The following ATM variants were observed in gnomAD, a reference collection of about 807,000 sequenced individuals.
The protein encoded by ATM is serine-protein kinase ATM.
In ATM, 308 loss-of-function variants were observed where a neutral mutation model predicts 387.0. That is an observed-to-expected ratio of 0.80 (90% CI 0.73 to 0.87). The LOEUF (loss-of-function observed/expected upper bound fraction) is 0.87. Among genes scored for constraint, ATM ranks in the 40% least tolerant of loss-of-function variants. The pLI is 0.00. For missense variants in ATM, 3,312 were observed against 3,560.9 expected (o/e 0.93, Z 1.78); for synonymous variants, 1,156 against 1,187.3 (o/e 0.97, Z 0.54).
chr11:108,267,371 C>G, intron 17 of ATM, 29 bp downstream of exon 17: 2 of 1,604,362 alleles, frequency 1.2e-6, no homozygotes, highest in Admixed American at 3.3e-5. Context: ...CTTGGGATTT[C>G]TTTTACTTCT....
intron 5 of ATM, among the ~76,000 whole-genome samples, chr11:108,240,120 TCCAAGG>T (rs913251764): frequency 3.9e-4 from 60 of 152,282 alleles, no homozygotes; most frequent in African/African-American, 1.4e-3. Context: ...TTATCCAGAG[TCCAAGG>T]TTCACTTTTG....
intron 8 of ATM, among the ~76,000 whole-genome samples, chr11:108,247,401 G>A (rs1013872765): frequency 3.9e-5 from 6 of 151,952 alleles, no homozygotes; most frequent in South Asian, 2.1e-4. Flanking sequence ...CTAATGATTC[G>A]ATTCGACTCG....
At chr11:108,339,970 A>C (rs2087328573) in intron 56 of ATM, among the ~76,000 whole-genome samples, 1 of 152,154 alleles carries the variant, frequency 6.6e-6, no homozygotes. Context: ...TTATATACCT[A>C]CGTTGGGTTA....
intron 14 of ATM, among the ~76,000 whole-genome samples, chr11:108,257,108 G>T (rs1432899384): frequency 3.9e-5 from 6 of 152,180 alleles, no homozygotes; most frequent in Non-Finnish European, 7.4e-5. Context: ...CTTCCACAAT[G>T]ATTGAACTAA....
In ATM at chr11:108,289,782, A is replaced by G. The variant is rs1565456980; in HGVS notation, c.4417A>G (p.Ile1473Val). ...TCTTCGAGACGTTATTTATACTTTG[A>G]TTCACTATATCAACCAAAGGTAAAT... is the stretch of plus-strand genomic sequence containing the variant. ...FVLRDVIYTL[I>V]HYINQRPSCI... Residue 1473 changes from isoleucine to valine, a missense_variant, in exon 29 of 63, where the codon ATT becomes GTT. Around this residue, in one of 4 missense-constraint regions of ATM, gnomAD observed 1,791 missense variants for 1,804.5 expected, o/e 0.99. Transcript: ENST00000675843. 1.2e-6 allele frequency: 2 copies of G among 1,612,888 alleles called. No homozygotes were observed. The highest frequency in any genetic ancestry group is 1.3e-5 in the African/African-American group (1 of 74,890).
chr11:108,260,369 T>C (rs1407840735), intron 16 of ATM, among the ~76,000 whole-genome samples: 2 of 152,150 alleles, frequency 1.3e-5, no homozygotes, highest in African/African-American at 2.4e-5. Flanking sequence ...ACATTTTAAG[T>C]GGTTTCTAGT....
At position 108,271,090 on chromosome 11, in the gene ATM, T is replaced by G. The variant is rs1555084654; in HGVS notation, c.2865T>G (p.Pro955=). Residue 955 remains proline, a synonymous_variant, in exon 19 of 63, where the codon CCT becomes CCG. Coordinates refer to ENST00000675843, the MANE Select transcript of ATM (RefSeq NM_000051.4). ...HMYLMLLKEL[P]GEEYPLPMED... The stretch of plus-strand genomic sequence containing the variant: ...ATCTAATGCTTTTAAAGGAGCTTCC[T>G]GGAGAAGAGTACCCCTTGCCAATGG... The G allele has an allele frequency of 6.2e-7, 1 of 1,614,156 alleles. No individual in the cohort carries two copies. The highest frequency in any genetic ancestry group is 1.1e-5 in the South Asian group (1 of 91,088).
At chr11:108,233,951 G>A (rs947607357) in intron 4 of ATM, among the ~76,000 whole-genome samples, 1 of 152,100 alleles carries the variant, frequency 6.6e-6, no homozygotes, top group Non-Finnish European at 1.5e-5. Context: ...TAGGAAGATA[G>A]GATTTTATTA....
chr11:108,300,307 A>G (rs1168168576), intron 34 of ATM, among the ~76,000 whole-genome samples: 1 of 152,224 alleles, frequency 6.6e-6, no homozygotes, highest in Non-Finnish European at 1.5e-5. Flanking sequence ...TTATAATCCT[A>G]GAAGTCTTAA....
Position 108,232,527 on chromosome 11 carries a change from CTTTTTTTTTT to C in ATM, c.332-3122_332-3113del, listed in dbSNP as rs71047685. Among the ~76,000 whole-genome samples the C allele has an allele frequency of 8.6e-5, 5 of 58,212 alleles. 1 individual carries two copies. Among genetic ancestry groups the C allele is most frequent in the Admixed American group, 5.6e-4 (2 of 3,600 alleles). 38.2% of individuals were successfully genotyped at this position (58,212 alleles called of 152,430 possible). A position where few individuals can be genotyped will look rare whatever the true frequency, so the allele number is the denominator to read the frequency against. On this transcript the variant is annotated intron_variant, in intron 4 of 62. Coordinates refer to ENST00000675843, the MANE Select transcript of ATM (RefSeq NM_000051.4). The stretch of plus-strand genomic sequence containing the variant: ...TAAGCAAATATTGTTGATTTCTCTC[CTTTTTTTTTT>C]TTTTTTTTTTTTTTTTTTTTGAGAC...
chr11:108,270,846 C>T (rs1294240629), intron 18 of ATM, among the ~76,000 whole-genome samples: 3 of 152,034 alleles, frequency 2.0e-5, no homozygotes, highest in Admixed American at 1.3e-4. Flanking sequence ...TAGGCGCCTG[C>T]CACCACCCCT....
Position 108,268,526 on chromosome 11 carries a change from A to C in ATM, c.2755A>C (p.Arg919=), listed in dbSNP as rs1591594384. The C allele has an allele frequency of 6.2e-7, 1 of 1,613,982 alleles. No homozygotes were observed. ...TTAQTNTVSF[R]AADIRRKLLM... is the part of the protein sequence containing the mutation. ...TGCTCAGACCAATACTGTGTCCTTT[A>C]GGGCAGCTGATATTCGGAGGAAATT... The change falls in exon 18 of 63, where the codon AGG becomes CGG. Residue 919 remains arginine (R), a synonymous_variant. Transcript: ENST00000675843.
intron 56 of ATM, among the ~76,000 whole-genome samples, chr11:108,338,474 G>T (rs2087104826): frequency 6.6e-6 from 1 of 152,122 alleles, no homozygotes; most frequent in Non-Finnish European, 1.5e-5. Context: ...GGGCAACACA[G>T]CAAGACCTCA....
At chr11:108,223,395 G>C (rs2078585288) in intron 1 of ATM, 1 of 152,414 alleles carries the variant, frequency 6.6e-6, no homozygotes, top group African/African-American at 2.4e-5. Context: ...GCCCTGAATT[G>C]AACCCTGCCT....
At chr11:108,339,003 T>C (rs2087169355) in intron 56 of ATM, among the ~76,000 whole-genome samples, 1 of 152,198 alleles carries the variant, frequency 6.6e-6, no homozygotes, top group Non-Finnish European at 1.5e-5. Context: ...AACTAGATCT[T>C]GGTATACAAA....
chr11:108,360,044 C>T lies in ATM; in HGVS notation c.8851-5038C>T, dbSNP rs1392626686. ...GAAAGGATCAACAAAATTGATAGAC[C>T]GCTAGCAAGACTAATAAAGAAAAAA... is the stretch of plus-strand genomic sequence containing the variant. On this transcript the variant is annotated intron_variant, in intron 61 of 62. Transcript: ENST00000675843. Among the ~76,000 whole-genome samples the T allele has an allele frequency of 4.1e-4, 62 of 151,438 alleles. 1 individual carries two copies. Among genetic ancestry groups the T allele is most frequent in the African/African-American group, 1.1e-3 (47 of 41,270 alleles).
At position 108,369,065 on chromosome 11, in the gene ATM, T is replaced by C. The variant is rs1297936003; in HGVS notation, c.*3557T>C. The C allele has an allele frequency of 5.7e-6, 1 of 174,074 alleles. No homozygotes were observed. Among genetic ancestry groups the C allele is most frequent in the Non-Finnish European group, 1.2e-5 (1 of 80,820 alleles). The allele number at this position is 174,074 out of a possible 1,614,324, so 10.8% of individuals were successfully genotyped here. On this transcript the variant is annotated 3_prime_UTR_variant, in exon 63 of 63. Transcript: ENST00000675843. ...ATTACTTTACTGTTACCTGAATTTATTATAAAGTGTTTTTGAATAAATAAT... is the reference window on the plus strand; with the variant it reads ...ATTACTTTACTGTTACCTGAATTTACTATAAAGTGTTTTTGAATAAATAAT...
In ATM at chr11:108,331,435, T is replaced by A. The variant is rs2086219990; in HGVS notation, c.7516-9T>A. On this transcript the variant is annotated splice_polypyrimidine_tract_variant and intron_variant, in intron 50 of 62. Coordinates refer to ENST00000675843, the MANE Select transcript of ATM (RefSeq NM_000051.4). ...GTTTCTTAATTTTGTGTCTTTTTTT[T>A]AATGGTAGAGAGACGGAATGAAGAT... The A allele has an allele frequency of 6.2e-7, 1 of 1,611,562 alleles. No individual in the cohort carries two copies. Among genetic ancestry groups the A allele is most frequent in the South Asian group, 1.1e-5 (1 of 90,670 alleles).
At chr11:108,279,832 A>G (rs779105307) in intron 23 of ATM, among the ~76,000 whole-genome samples, 8 of 152,202 alleles carry the variant, frequency 5.3e-5, no homozygotes, top group Non-Finnish European at 1.0e-4. Context: ...GGAGAAACCC[A>G]AAATTTAACT....
Sources: gnomAD v4.1 joint callset for allele counts (sites outside exome capture counted in the v4.1 genomes callset) on GRCh38, gnomAD v4.1.1 for gene constraint, gnomAD v4.1.1 regional missense constraint, MANE v1.5 for transcripts, NCBI Gene and HGNC (gene_info 2026-07-23, HGNC 2026-07-21) for gene names.